The following GALNT9 variants were observed in gnomAD, a reference collection of about 807,000 sequenced individuals.
The protein encoded by GALNT9 is GalNAc transferase 9.
Under a neutral mutation model 63.1 loss-of-function variants are expected in GALNT9, and 47 were observed. That is an observed-to-expected ratio of 0.75 (90% CI 0.59 to 0.95). GALNT9 has a LOEUF of 0.95. GALNT9 is among the 40% of genes least tolerant of loss of function. GALNT9 has a pLI of 0.00. For missense variants in GALNT9, 829 were observed against 874.8 expected, an observed-to-expected ratio of 0.95 and a Z score of 0.66; for synonymous variants, 396 against 365.7, an observed-to-expected ratio of 1.08 and a Z score of -0.94.
chr12:132,235,419 A>G (rs1275028377), intron 6 of GALNT9, among the ~76,000 whole-genome samples: 6 of 152,084 alleles, frequency 3.9e-5, no homozygotes, highest in Admixed American at 3.9e-4. Context: ...GGTGGACAGG[A>G]GGAGAGAGCA....
chr12:132,211,697 TCC>T (rs1413304867), intron 6 of GALNT9, among the ~76,000 whole-genome samples: 1 of 152,114 alleles, frequency 6.6e-6, no homozygotes, highest in Non-Finnish European at 1.5e-5. Flanking sequence ...CCAGAGCATT[TCC>T]CCCTCTCCGT....
Position 132,245,659 on chromosome 12 carries a change from C to T in GALNT9, c.1077+2251G>A, listed in dbSNP as rs970560681. 6.6e-6 allele frequency among the ~76,000 whole-genome samples: 1 copy of T among 152,178 alleles called. No homozygotes were observed. Among genetic ancestry groups the T allele is most frequent in the South Asian group, 2.1e-4 (1 of 4,832 alleles). On this transcript the variant is annotated intron_variant, in intron 6 of 10. Transcript: ENST00000328957. This position sits in a 1 kb window ranked among gnomAD's most constrained non-coding sequence, Gnocchi z 6.3. Reference sequence around the variant, plus strand: ...TGGTCCAGCACCCACACCCCCAGCCCGGCCTGCTGACCCTCGCCCACCACA... The same window carrying T: ...TGGTCCAGCACCCACACCCCCAGCCTGGCCTGCTGACCCTCGCCCACCACA...
intron 6 of GALNT9, among the ~76,000 whole-genome samples, chr12:132,212,988 G>T (rs1275088022): frequency 6.8e-6 from 1 of 146,016 alleles, no homozygotes; most frequent in East Asian, 2.1e-4. Context: ...CGGGTCTACA[G>T]CCTTGAGACC....
At chr12:132,303,475 A>ACCCGGGCACAGCCTCG (rs1881403294) in intron 1 of GALNT9, among the ~76,000 whole-genome samples, 1 of 45,052 alleles carries the variant, frequency 2.2e-5, no homozygotes, top group African/African-American at 7.5e-5. Context: ...ACACACCCTC[A>ACCCGGGCACAGCCTCG]CCCGGGCACA....
rs1179794933 is a variant in GALNT9, at chr12:132,315,168, A to G, written c.238+13798T>C. Among the ~76,000 whole-genome samples the G allele has an allele frequency of 1.3e-5, 2 of 152,058 alleles. No individual in the cohort carries two copies. The highest frequency in any genetic ancestry group is 2.1e-4 in the South Asian group (1 of 4,828). ...AGCGCTCTAGCCACATTTTAACCAC[A>G]AGGCTCTGCACCGAGCAACTAAGAT... On this transcript the variant is annotated intron_variant, in intron 1 of 10. Transcript: ENST00000328957. This position sits in a 1 kb window ranked among gnomAD's most constrained non-coding sequence, Gnocchi z 6.1.
Position 132,238,257 on chromosome 12 carries a change from G to A in GALNT9, c.1077+9653C>T, listed in dbSNP as rs1364520842. 2.0e-5 allele frequency among the ~76,000 whole-genome samples: 3 copies of A among 152,116 alleles called. No individual in the cohort carries two copies. The highest frequency in any genetic ancestry group is 2.9e-5 in the Non-Finnish European group (2 of 68,022). ...CCCAGAGCCCATGAGGGACACGGCC[G>A]GCTGCTGGGTCCCTCACGGCGGAGA... On this transcript the variant is annotated intron_variant, in intron 6 of 10. Transcript: ENST00000328957. The surrounding 1 kb of genome is among the most constrained non-coding windows in gnomAD (Gnocchi z 6.5).
chr12:132,202,886 C>T (rs1565983300), intron 7 of GALNT9, among the ~76,000 whole-genome samples: 2 of 152,124 alleles, frequency 1.3e-5, no homozygotes, highest in Non-Finnish European at 2.9e-5. Flanking sequence ...AATTAGAAAA[C>T]AAACAGCAAT....
rs922671820 is a variant in GALNT9, at chr12:132,245,911, C to A, written c.1077+1999G>T. Among the ~76,000 whole-genome samples, 1 of 152,210 alleles carries A rather than the reference C, an allele frequency of 6.6e-6. No individual in the cohort carries two copies. Among genetic ancestry groups the A allele is most frequent in the African/African-American group, 2.4e-5 (1 of 41,458 alleles). On this transcript the variant is annotated intron_variant, in intron 6 of 10. Transcript: ENST00000328957. This position sits in a 1 kb window ranked among gnomAD's most constrained non-coding sequence, Gnocchi z 6.3. ...GACCACATCTGCTGGGTGCCCTCCA[C>A]CCCAGGGGTCCCGTCCTCCCTCGCT...
At position 132,196,387 on chromosome 12, in the gene GALNT9, A is replaced by T. The variant is rs1051770577; in HGVS notation, c.*720T>A. On this transcript the variant is annotated 3_prime_UTR_variant, in exon 11 of 11. Coordinates refer to ENST00000328957, the MANE Select transcript of GALNT9 (RefSeq NM_001122636.2). Reference sequence around the variant, plus strand: ...AGCAACTGGGTGTGGCTGGGCGCCAATAAAACTGTATTTATTAAAACAGGC... The same window carrying T: ...AGCAACTGGGTGTGGCTGGGCGCCATTAAAACTGTATTTATTAAAACAGGC... 2 of 971,712 alleles carry T rather than the reference A, an allele frequency of 2.1e-6. No individual in the cohort carries two copies. The highest frequency in any genetic ancestry group is 3.5e-5 in the African/African-American group (2 of 56,850). The allele number at this position is 971,712 out of a possible 1,614,324, so 60.2% of individuals were successfully genotyped here.
At chr12:132,249,923 C>T (rs1357544871) in intron 5 of GALNT9, among the ~76,000 whole-genome samples, 2 of 152,208 alleles carry the variant, frequency 1.3e-5, no homozygotes, top group African/African-American at 2.4e-5. Context: ...GGTGGAGGCC[C>T]CAGGTCCTGC....
At chr12:132,313,662 C>A (rs1881902005) in intron 1 of GALNT9, among the ~76,000 whole-genome samples, 1 of 148,166 alleles carries the variant, frequency 6.7e-6, no homozygotes, top group Non-Finnish European at 1.5e-5. Context: ...ATCCACATAT[C>A]CACCCATCCA....
At chr12:132,208,854 C>CA (rs1876833766) in intron 6 of GALNT9, among the ~76,000 whole-genome samples, 1 of 152,238 alleles carries the variant, frequency 6.6e-6, no homozygotes, top group African/African-American at 2.4e-5. Context: ...CAAAGACCCT[C>CA]ACTCCTGTGG....
intron 1 of GALNT9, among the ~76,000 whole-genome samples, chr12:132,298,878 C>T (rs982813180): frequency 8.0e-5 from 12 of 149,244 alleles, no homozygotes; most frequent in Non-Finnish European, 1.0e-4. Context: ...GACCAAGCCA[C>T]TCCTGAGATA....
At chr12:132,320,728 GC>G (rs1164982445) in intron 1 of GALNT9, among the ~76,000 whole-genome samples, 1 of 84,218 alleles carries the variant, frequency 1.2e-5, no homozygotes, top group African/African-American at 4.7e-5. Flanking sequence ...CAAGGCCTCC[GC>G]CCCCACCAGG....
intron 6 of GALNT9, among the ~76,000 whole-genome samples, chr12:132,225,261 C>CAT (rs1877606585): frequency 6.9e-6 from 1 of 143,970 alleles, no homozygotes; most frequent in Non-Finnish European, 1.5e-5. Flanking sequence ...ATACACCCCC[C>CAT]ACACACCACA....
At chr12:132,308,384 C>G (rs1881690806) in intron 1 of GALNT9, among the ~76,000 whole-genome samples, 1 of 152,244 alleles carries the variant, frequency 6.6e-6, no homozygotes, top group African/African-American at 2.4e-5. Context: ...GCTGGTGCAG[C>G]AAGCAGACCC....
At position 132,199,208 on chromosome 12, in the gene GALNT9, G is replaced by T; in HGVS notation, c.1463C>A (p.Ala488Glu). The change falls in exon 9 of 11, where the codon GCG (alanine) becomes GAG (glutamate). Residue 488 changes from alanine to glutamate, a missense_variant. Ala to Glu is a moderately radical substitution (Grantham distance 107). Transcript: ENST00000328957. Reference sequence around the variant, plus strand: ...CATCCCGTGGCAGGGGTAGAGGATCGCCCGGTCGCCGTCCTCCGCTCCCTG... The same window carrying T: ...CATCCCGTGGCAGGGGTAGAGGATCTCCCGGTCGCCGTCCTCCGCTCCCTG... ...LDQGAEDGDR[A>E]ILYPCHGMSS... 7 of 1,603,428 alleles carry T rather than the reference G, an allele frequency of 4.4e-6. No homozygotes were observed. The highest frequency in any genetic ancestry group is 5.9e-6 in the Non-Finnish European group (7 of 1,179,084).
Position 132,282,224 on chromosome 12 carries a change from C to T in GALNT9, c.419+4026G>A. Among the ~76,000 whole-genome samples, 1 of 148,890 alleles carries T rather than the reference C, an allele frequency of 6.7e-6. No homozygotes were observed. The highest frequency in any genetic ancestry group is 2.0e-4 in the East Asian group (1 of 4,946). Reference sequence around the variant, plus strand: ...CACAGAAGAGGAATCAGCTCCACTGCAGCAAGGCCAGGCCTGGGGTCCCAC... The same window carrying T: ...CACAGAAGAGGAATCAGCTCCACTGTAGCAAGGCCAGGCCTGGGGTCCCAC... On this transcript the variant is annotated intron_variant, in intron 2 of 10. Transcript: ENST00000328957. This position sits in a 1 kb window ranked among gnomAD's most constrained non-coding sequence, Gnocchi z 4.5.
At chr12:132,292,466 C>T (rs1411403686) in intron 1 of GALNT9, among the ~76,000 whole-genome samples, 2 of 152,216 alleles carry the variant, frequency 1.3e-5, no homozygotes, top group Non-Finnish European at 2.9e-5. Flanking sequence ...GGGCCGGACC[C>T]GAGTCTCTGA....
Sources: gnomAD v4.1 joint callset for allele counts (sites outside exome capture counted in the v4.1 genomes callset) on GRCh38, gnomAD v4.1.1 for gene constraint, Gnocchi (gnomAD v3.1) non-coding constraint, MANE v1.5 for transcripts, NCBI Gene and HGNC (gene_info 2026-07-23, HGNC 2026-07-21) for gene names.